Variants in R3HCC1L observed in about 807,000 individuals in gnomAD.
R3HCC1L encodes the protein coiled-coil domain-containing protein R3HCC1L.
A neutral mutation model predicts 59.9 loss-of-function variants in R3HCC1L; 51 were observed. The observed-to-expected ratio is 0.85, with a 90% CI of 0.68 to 1.07. The LOEUF is 1.07. Ranked by LOEUF, R3HCC1L falls within the 50% of genes least tolerant of loss-of-function variation. R3HCC1L has a pLI of 0.00. For missense variants in R3HCC1L, 965 were observed against 933.0 expected, an observed-to-expected ratio of 1.03 and a Z score of -0.45; for synonymous variants, 322 against 315.2, an observed-to-expected ratio of 1.02 and a Z score of -0.23.
chr10:98,178,331 C>T (rs1849257254), intron 4 of R3HCC1L, among the ~76,000 whole-genome samples: 1 of 152,086 alleles, frequency 6.6e-6, no homozygotes, highest in African/African-American at 2.4e-5. Flanking sequence ...AATCCTTTCC[C>T]CATTTCTTGT....
chr10:98,147,045 T>A (rs1245837912), intron 1 of R3HCC1L, among the ~76,000 whole-genome samples: 2 of 152,178 alleles, frequency 1.3e-5, no homozygotes, highest in African/African-American at 4.8e-5. Flanking sequence ...AGAGTTCCCC[T>A]TTCTCCATAT....
In R3HCC1L at chr10:98,220,956, T is replaced by C. The variant is rs1217481903; in HGVS notation, c.1786-10556T>C. On this transcript the variant is annotated intron_variant, in intron 5 of 9. Transcript: ENST00000298999. ...CTAGATCCCTGAGGAATCGCCACAC[T>C]GACTTCCACAATGGTTGAACTAGTT... Among the ~76,000 whole-genome samples the C allele has an allele frequency of 6.2e-5, 9 of 146,208 alleles. No individual in the cohort carries two copies. In the East Asian group the frequency reaches 1.7e-3, roughly 27 times the overall value.
At chr10:98,155,681 A>G (rs1212116850) in intron 1 of R3HCC1L, among the ~76,000 whole-genome samples, 1 of 151,486 alleles carries the variant, frequency 6.6e-6, no homozygotes, top group Admixed American at 6.6e-5. Context: ...ACCACTCCCC[A>G]CTCTCTCTAG....
intron 4 of R3HCC1L, among the ~76,000 whole-genome samples, chr10:98,199,965 T>C (rs1564682235): frequency 6.6e-6 from 1 of 152,110 alleles, no homozygotes; most frequent in Non-Finnish European, 1.5e-5. Context: ...TTATATAAAA[T>C]AGACTTGTGT....
chr10:98,209,252 A>G lies in R3HCC1L; in HGVS notation c.1138A>G (p.Thr380Ala). 1 of 1,613,980 alleles carries G rather than the reference A, an allele frequency of 6.2e-7. No homozygotes were observed. The highest frequency in any genetic ancestry group is 1.6e-4 in the Middle Eastern group (1 of 6,062). ...TACCAATAAAGCATGTATGATGGACACTACAGGTATGTCCTGTAGTGATCA... is the reference window on the plus strand; with the variant it reads ...TACCAATAAAGCATGTATGATGGACGCTACAGGTATGTCCTGTAGTGATCA... ...DITNKACMMD[T>A]TGMSCSDHVT... The change falls in exon 5 of 10, where the codon ACT becomes GCT. Residue 380 changes from threonine to alanine, a missense_variant. Thr to Ala is a moderately conservative substitution (Grantham distance 58). Coordinates refer to ENST00000298999, the MANE Select transcript of R3HCC1L (RefSeq NM_001351015.2).
chr10:98,205,693 A>T (rs559781912), intron 4 of R3HCC1L, among the ~76,000 whole-genome samples: 1 of 152,304 alleles, frequency 6.6e-6, no homozygotes, highest in Non-Finnish European at 1.5e-5. Context: ...TATTATACTG[A>T]TTTTCAGCTA....
chr10:98,226,247 C>T (rs1426507475), intron 5 of R3HCC1L, among the ~76,000 whole-genome samples: 2 of 152,150 alleles, frequency 1.3e-5, no homozygotes, highest in African/African-American at 4.8e-5. Context: ...CATGCAGTTC[C>T]TTGTTTTGTT....
chr10:98,153,122 C>T (rs943846709), intron 1 of R3HCC1L, among the ~76,000 whole-genome samples: 1 of 152,172 alleles, frequency 6.6e-6, no homozygotes, highest in Non-Finnish European at 1.5e-5. Flanking sequence ...TACCCAACAG[C>T]TCATTGAGAA....
intron 1 of R3HCC1L, among the ~76,000 whole-genome samples, chr10:98,150,858 T>C (rs1846085881): frequency 6.6e-6 from 1 of 152,184 alleles, no homozygotes; most frequent in Non-Finnish European, 1.5e-5. Flanking sequence ...TTCCTTTACA[T>C]ACTCCCAAAA....
chr10:98,204,608 TCTC>T (rs1023247958), intron 4 of R3HCC1L, among the ~76,000 whole-genome samples: 6 of 152,204 alleles, frequency 3.9e-5, no homozygotes, highest in South Asian at 2.1e-4. Context: ...AATATAGTGT[TCTC>T]CTCTTTTCCA....
intron 1 of R3HCC1L, among the ~76,000 whole-genome samples, chr10:98,154,163 C>G (rs889839026): frequency 8.2e-5 from 10 of 122,162 alleles, no homozygotes; most frequent in Admixed American, 2.1e-4. Context: ...TATCGTTATA[C>G]TACAGAGCAG....
intron 4 of R3HCC1L, among the ~76,000 whole-genome samples, chr10:98,176,700 T>G (rs1449994086): frequency 6.6e-6 from 1 of 152,204 alleles, no homozygotes; most frequent in African/African-American, 2.4e-5. Context: ...TTATATTTTT[T>G]TCTGCCTTGC....
At position 98,168,443 on chromosome 10, in the gene R3HCC1L, T is replaced by G. The variant is rs1848174772; in HGVS notation, c.-15+5046T>G. Among the ~76,000 whole-genome samples, 3 of 152,152 alleles carry G rather than the reference T, an allele frequency of 2.0e-5. No homozygotes were observed. The South Asian group carries it at 6.2e-4, about 32-fold the overall frequency. ...ATAGCCAGTGTAGTATAAAATAAGC[T>G]GGGGGCATGAATTGTGTTATGTCGT... On this transcript the variant is annotated intron_variant, in intron 4 of 9. Transcript: ENST00000298999.
chr10:98,221,919 G>A (rs931653663), intron 5 of R3HCC1L, among the ~76,000 whole-genome samples: 4 of 152,170 alleles, frequency 2.6e-5, no homozygotes, highest in Non-Finnish European at 4.4e-5. Flanking sequence ...TGTGAAGAAA[G>A]GCATTAGTAG....
intron 4 of R3HCC1L, among the ~76,000 whole-genome samples, chr10:98,181,635 C>G (rs117734306): frequency 6.6e-6 from 1 of 152,150 alleles, no homozygotes; most frequent in Non-Finnish European, 1.5e-5. Context: ...CCATTCTCCC[C>G]GTCACTTTCA....
chr10:98,206,817 C>A (rs1364809232), intron 4 of R3HCC1L, among the ~76,000 whole-genome samples: 3 of 152,030 alleles, frequency 2.0e-5, no homozygotes, highest in Non-Finnish European at 1.5e-5. Context: ...TTTGAAAAAT[C>A]CTGGCATGCC....
intron 4 of R3HCC1L, among the ~76,000 whole-genome samples, chr10:98,181,498 G>A (rs1849617705): frequency 6.6e-6 from 1 of 151,968 alleles, no homozygotes; most frequent in Non-Finnish European, 1.5e-5. Context: ...ATGTGTCTTG[G>A]GGTTGCTCTT....
intron 1 of R3HCC1L, among the ~76,000 whole-genome samples, chr10:98,155,005 T>C (rs537194174): frequency 6.6e-6 from 1 of 152,332 alleles, no homozygotes; most frequent in Non-Finnish European, 1.5e-5. Context: ...TTGGCCAAAA[T>C]TATTTCATGT....
chr10:98,187,270 A>G (rs1032904258), intron 4 of R3HCC1L, among the ~76,000 whole-genome samples: 2 of 151,988 alleles, frequency 1.3e-5, no homozygotes, highest in Non-Finnish European at 2.9e-5. Context: ...GAAAATCTGA[A>G]ATCTGAAATG....
Sources: allele counts gnomAD v4.1 joint callset (sites outside exome capture counted in the v4.1 genomes callset), GRCh38; gene constraint gnomAD v4.1.1; transcripts MANE v1.5; gene names NCBI Gene and HGNC (gene_info 2026-07-23, HGNC 2026-07-21).